Variants in INTS1 observed in about 807,000 individuals in gnomAD.
INTS1 encodes integrator complex subunit 1.
Under a neutral mutation model 241.6 loss-of-function variants are expected in INTS1, and 137 were observed. That is an observed-to-expected ratio of 0.57 (90% CI 0.49 to 0.65). INTS1 has a LOEUF of 0.65. Ranked by LOEUF, INTS1 falls within the 30% of genes least tolerant of loss-of-function variation. The pLI is 0.00. For missense variants in INTS1, 3,073 were observed against 3,032.2 expected (o/e 1.01, Z -0.32); for synonymous variants, 1,692 against 1,337.8 (o/e 1.26, Z -5.78).
chr7:1,471,141 G>A lies in INTS1; in HGVS notation c.6339C>T (p.Asn2113=), dbSNP rs1781447662. Residue 2113 remains asparagine (N), a synonymous_variant, in exon 46 of 48, where the codon AAC becomes AAT. Transcript: ENST00000404767. ...AFSLALRSMQ[N]SPSIAAAFLP... ...GCCGGCGGTGGCCTCACCTGGGGCT[G>A]TTCTGCATGGAGCGCAGGGCCAGGC... 1 of 1,571,070 alleles carries A rather than the reference G, an allele frequency of 6.4e-7. No homozygotes were observed. The highest frequency in any genetic ancestry group is 8.6e-7 in the Non-Finnish European group (1 of 1,159,408).
In INTS1 at chr7:1,472,545, G is replaced by A. The variant is rs111794342; in HGVS notation, c.6071-159C>T. The stretch of plus-strand genomic sequence containing the variant: ...CACAAATGGGGTGGAGCCAGGAGCC[G>A]GGAGCTGCCTTTGGATCCGGCGCAT... On this transcript the variant is annotated intron_variant, in intron 43 of 47. Transcript: ENST00000404767. Among the ~76,000 whole-genome samples, 23 of 152,296 alleles carry A rather than the reference G, an allele frequency of 1.5e-4. 1 individual carries two copies. The highest frequency in any genetic ancestry group is 3.4e-4 in the African/African-American group (14 of 41,576).
In INTS1 at chr7:1,499,341, G is replaced by A. The variant is rs1783033605; in HGVS notation, c.864C>T (p.Ser288=). The change falls in exon 7 of 48, where the codon TCC becomes TCT. Residue 288 remains serine (S), a synonymous_variant. Coordinates refer to ENST00000404767, the MANE Select transcript of INTS1 (RefSeq NM_001080453.3). Reference sequence around the variant, plus strand: ...TCTGGCTGTCCTCCTCCTCCGTGAGGGAGGGGTGTGGGCTGCTCCCTGCAA... The same window carrying A: ...TCTGGCTGTCCTCCTCCTCCGTGAGAGAGGGGTGTGGGCTGCTCCCTGCAA... ...DLGAGSSPHP[S]LTEEEDSQTE... The A allele has an allele frequency of 3.8e-6, 6 of 1,594,604 alleles. No homozygotes were observed. The highest frequency in any genetic ancestry group is 4.5e-5 in the East Asian group (2 of 44,704).
Position 1,493,148 on chromosome 7 carries a change from G to A in INTS1, c.2069-42C>T. 2 of 1,482,170 alleles carry A rather than the reference G, an allele frequency of 1.3e-6. No individual in the cohort carries two copies. Among genetic ancestry groups the A allele is most frequent in the Admixed American group, 1.7e-5 (1 of 57,726 alleles). The allele number at this position is 1,482,170 out of a possible 1,614,324, so 91.8% of individuals were successfully genotyped here. A position where few individuals can be genotyped will look rare whatever the true frequency, so the allele number is the denominator to read the frequency against. ...CACATGGGTTCTGGGGCTGCTCACA[G>A]ACCATCAGGCACAGGCAGCGAGGGA... On this transcript the variant is annotated intron_variant, in intron 15 of 47. Transcript: ENST00000404767. The surrounding 1 kb of genome is among the most constrained non-coding windows in gnomAD (Gnocchi z 5.3).
intron 41 of INTS1, 144 bp downstream of exon 41, chr7:1,474,023 TG>T: frequency 1.1e-6 from 1 of 948,008 alleles, no homozygotes; most frequent in Non-Finnish European, 1.5e-6. Flanking sequence ...CTTCCCAGGG[TG>T]GGAGCTGGTC....
Position 1,476,607 on chromosome 7 carries a change from G to A in INTS1, c.5114C>T (p.Pro1705Leu), listed in dbSNP as rs1781735915. The part of the protein sequence containing the change: ...LDFLWACIHV[P>L]RIWQGRDQRT... ...CTGGTCCCGCCCCTGCCAGATGCGAGGAACATGGATGCAGGCCCAGAGGAA... is the reference window on the plus strand; with the variant it reads ...CTGGTCCCGCCCCTGCCAGATGCGAAGAACATGGATGCAGGCCCAGAGGAA... Residue 1705 changes from proline to leucine, a missense_variant, in exon 37 of 48, where the codon CCT (proline) becomes CTT (leucine). Transcript: ENST00000404767. 1.2e-6 allele frequency: 2 copies of A among 1,612,366 alleles called. No homozygotes were observed. Among genetic ancestry groups the A allele is most frequent in the Non-Finnish European group, 1.7e-6 (2 of 1,179,776 alleles).
rs984511351 is a variant in INTS1 at position 1,483,787 on chromosome 7, C to T, written c.3496G>A (p.Val1166Met). 4 of 1,612,480 alleles carry T rather than the reference C, an allele frequency of 2.5e-6. No individual in the cohort carries two copies. Among genetic ancestry groups the T allele is most frequent in the South Asian group, 1.1e-5 (1 of 91,090 alleles). Residue 1166 changes from valine (V) to methionine (M), a missense_variant, in exon 26 of 48, where the codon GTG (valine) becomes ATG (methionine). Transcript: ENST00000404767. ...AGCAGGATCACCATGGCATGGACCACGAGGATGTGCATGGTGGCTGTCTCC... is the reference window on the plus strand; with the variant it reads ...AGCAGGATCACCATGGCATGGACCATGAGGATGTGCATGGTGGCTGTCTCC... Reference protein sequence around the residue: ...SGETATMHILVVHAMVILLTL... With the variant: ...SGETATMHILMVHAMVILLTL...
At chr7:1,502,754 A>G (rs912075039) in intron 3 of INTS1, 147 bp downstream of exon 3, 41 of 857,126 alleles carry the variant, frequency 4.8e-5, no homozygotes, top group Non-Finnish European at 5.8e-5. Context: ...CGTGAGAAGC[A>G]CTTCCAAGAA....
At chr7:1,474,896 C>A in intron 39 of INTS1, 58 bp from the exon 40 acceptor site, 2 of 1,527,136 alleles carry the variant, frequency 1.3e-6, no homozygotes, top group Non-Finnish European at 1.8e-6. Flanking sequence ...TGCCCACCCA[C>A]ACTCAGCCTG....
At position 1,487,532 on chromosome 7, in the gene INTS1, G is replaced by A. The variant is rs1177540093; in HGVS notation, c.2517-83C>T. ...CCCCTCCTCCTCCCATCCCTGCTTC[G>A]AGGGGCAGCCGACAGCCCGAGACGG... On this transcript the variant is annotated intron_variant, in intron 19 of 47. Transcript: ENST00000404767. The A allele has an allele frequency of 7.4e-6, 11 of 1,496,316 alleles. 1 individual carries two copies. The highest frequency in any genetic ancestry group is 4.1e-5 in the Admixed American group (2 of 48,786). 92.7% of individuals were successfully genotyped at this position (1,496,316 alleles called of 1,614,324 possible). A position where few individuals can be genotyped will look rare whatever the true frequency, so the allele number is the denominator to read the frequency against.
chr7:1,492,203 G>A (rs1406365721), intron 16 of INTS1, among the ~76,000 whole-genome samples: 3 of 152,238 alleles, frequency 2.0e-5, no homozygotes, highest in Non-Finnish European at 2.9e-5. Context: ...CCGTCCGTCA[G>A]CAGGGGAGCG....
rs199537409 is a variant in INTS1 at position 1,479,970 on chromosome 7, AT to A, written c.4075-287del. ...ATCAGGAGGTGGTGAGGCCTGCAGG[AT>A]CCCCGGCTCCAACAGCCAGACCTCA... On this transcript the variant is annotated intron_variant, in intron 30 of 47. Coordinates refer to ENST00000404767, the MANE Select transcript of INTS1 (RefSeq NM_001080453.3). Among the ~76,000 whole-genome samples the A allele has an allele frequency of 5.7e-3, 872 of 152,318 alleles. 6 individuals carry two copies. Among genetic ancestry groups the A allele is most frequent in the South Asian group, 0.022 (108 of 4,824 alleles).
At position 1,473,129 on chromosome 7, in the gene INTS1, G is replaced by A. The variant is rs1256273567; in HGVS notation, c.6013C>T (p.Leu2005Phe). 1 of 1,612,124 alleles carries A rather than the reference G, an allele frequency of 6.2e-7. No individual in the cohort carries two copies. The highest frequency in any genetic ancestry group is 1.3e-5 in the African/African-American group (1 of 74,946). ...LVMLKSLLAG[L>F]SLPSRDDRTD... Reference sequence around the variant, plus strand: ...CTGTCGTCCCTGCTGGGCAGGCTGAGCCCTGCAAGGAGGGATTTCAGCATC... The same window carrying A: ...CTGTCGTCCCTGCTGGGCAGGCTGAACCCTGCAAGGAGGGATTTCAGCATC... The change falls in exon 43 of 48, where the codon CTC becomes TTC. Residue 2005 changes from leucine (L) to phenylalanine (F), a missense_variant. Physicochemically the swap from Leu to Phe is conservative, Grantham distance 22 (BLOSUM62 0). Transcript: ENST00000404767.
At chr7:1,487,177 G>T in intron 20 of INTS1, 76 bp from the exon 21 acceptor site, 1 of 1,518,356 alleles carries the variant, frequency 6.6e-7, no homozygotes, top group Non-Finnish European at 8.9e-7. Flanking sequence ...GGTGACCGCG[G>T]AGCCGGAAAG....
At position 1,493,775 on chromosome 7, in the gene INTS1, C is replaced by A; in HGVS notation, c.2047G>T (p.Ala683Ser). Residue 683 changes from alanine to serine, a missense_variant, in exon 15 of 48, where the codon GCG becomes TCG. Physicochemically the swap from Ala to Ser is moderately conservative, Grantham distance 99 (BLOSUM62 1). Transcript: ENST00000404767. This position sits in a 1 kb window ranked among gnomAD's most constrained non-coding sequence, Gnocchi z 5.3. ...ATACCATCCGCCTGCACGGCAGCCGCCCGCTTCACCAGGTGGTCAGCAAGC... is the reference window on the plus strand; with the variant it reads ...ATACCATCCGCCTGCACGGCAGCCGACCGCTTCACCAGGTGGTCAGCAAGC... ...MELADHLVKRAAAVQADDVEV... is the reference protein window; with the variant it reads ...MELADHLVKRSAAVQADDVEV... 6.3e-7 allele frequency: 1 copy of A among 1,578,734 alleles called. No individual in the cohort carries two copies. Among genetic ancestry groups the A allele is most frequent in the East Asian group, 2.3e-5 (1 of 42,600 alleles).
At position 1,472,675 on chromosome 7, in the gene INTS1, G is replaced by A. The variant is rs186754743; in HGVS notation, c.6071-289C>T. On this transcript the variant is annotated intron_variant, in intron 43 of 47. Transcript: ENST00000404767. ...TGGGACCCGGGCCTGGCGCTCTTCC[G>A]GCGGCACAGGAGAGACGTGCTGCGG... Among the ~76,000 whole-genome samples, 281 of 152,352 alleles carry A rather than the reference G, an allele frequency of 1.8e-3. 1 individual carries two copies. Among genetic ancestry groups the A allele is most frequent in the African/African-American group, 5.9e-3 (246 of 41,594 alleles).
At chr7:1,502,847 G>A (rs1783257917) in intron 3 of INTS1, 54 bp downstream of exon 3, 1 of 1,593,652 alleles carries the variant, frequency 6.3e-7, no homozygotes, top group Non-Finnish European at 8.6e-7. Context: ...CTGAACACCT[G>A]ATGGACGGCA....
At position 1,493,221 on chromosome 7, in the gene INTS1, G is replaced by T; in HGVS notation, c.2069-115C>A. The T allele has an allele frequency of 1.4e-6, 1 of 709,404 alleles. No homozygotes were observed. The highest frequency in any genetic ancestry group is 2.4e-6 in the Non-Finnish European group (1 of 411,364). The allele number at this position is 709,404 out of a possible 1,614,324, so 43.9% of individuals were successfully genotyped here. A position where few individuals can be genotyped will look rare whatever the true frequency, so the allele number is the denominator to read the frequency against. On this transcript the variant is annotated intron_variant, in intron 15 of 47. Coordinates refer to ENST00000404767, the MANE Select transcript of INTS1 (RefSeq NM_001080453.3). The surrounding 1 kb of genome is among the most constrained non-coding windows in gnomAD (Gnocchi z 5.3). The stretch of plus-strand genomic sequence containing the variant: ...CGGGGTGGGGTGGGGGATGCCGCAG[G>T]GTGGGGCGCAGGCCTGAGCAGGAGA...
At chr7:1,490,197 G>A (rs1782479998) in intron 16 of INTS1, among the ~76,000 whole-genome samples, 1 of 152,264 alleles carries the variant, frequency 6.6e-6, no homozygotes, top group South Asian at 2.1e-4. Flanking sequence ...AGAGGCAGGA[G>A]AACCTCAACC....
At position 1,481,952 on chromosome 7, in the gene INTS1, C is replaced by T. The variant is rs1389555469; in HGVS notation, c.3704-464G>A. Among the ~76,000 whole-genome samples, 3 of 152,190 alleles carry T rather than the reference C, an allele frequency of 2.0e-5. No homozygotes were observed. The highest frequency in any genetic ancestry group is 4.8e-5 in the African/African-American group (2 of 41,444). On this transcript the variant is annotated intron_variant, in intron 27 of 47. Transcript: ENST00000404767. The surrounding 1 kb of genome is among the most constrained non-coding windows in gnomAD (Gnocchi z 6.8). ...GGCGCAGTACACTTCCGAAGCTGCA[C>T]GCAGGCTGCTGTGACTATCTTCTCT...
Sources: allele counts gnomAD v4.1 joint callset (sites outside exome capture counted in the v4.1 genomes callset), GRCh38; gene constraint gnomAD v4.1.1; non-coding constraint Gnocchi (gnomAD v3.1); transcripts MANE v1.5; gene names NCBI Gene and HGNC (gene_info 2026-07-23, HGNC 2026-07-21).